Variants in CD300LG observed in about 807,000 individuals in gnomAD.
CD300LG encodes CMRF35-like molecule 9.
A neutral mutation model predicts 31.5 loss-of-function variants in CD300LG; 29 were observed. The observed-to-expected ratio is 0.92, with a 90% CI of 0.68 to 1.25. The LOEUF is 1.25. CD300LG is among the 50% of genes most tolerant of loss of function. CD300LG has a pLI of 0.00. For synonymous variants in CD300LG, 175 were observed against 177.2 expected (o/e 0.99, Z 0.10); for missense variants, 396 against 417.6 (o/e 0.95, Z 0.45).
At position 43,853,030 on chromosome 17, in the gene CD300LG, T is replaced by C; in HGVS notation, c.481+17T>C. ...CAGGATTGAGTGAGTGAATGGCAAT[T>C]CCGCCCCTTCCCTTGCCACCCTTCT... On this transcript the variant is annotated intron_variant, in intron 3 of 6. Coordinates refer to ENST00000317310, the MANE Select transcript of CD300LG (RefSeq NM_145273.4). 5.0e-6 allele frequency: 8 copies of C among 1,596,366 alleles called. No homozygotes were observed. Among genetic ancestry groups the C allele is most frequent in the Non-Finnish European group, 6.9e-6 (8 of 1,167,872 alleles).
At chr17:43,859,480 G>T (rs1240355984) in intron 6 of CD300LG, among the ~76,000 whole-genome samples, 2 of 152,194 alleles carry the variant, frequency 1.3e-5, no homozygotes, top group Non-Finnish European at 2.9e-5. Context: ...ACTTGCGATA[G>T]TGGGCCTGGC....
At chr17:43,855,465 C>G in intron 5 of CD300LG, 146 bp downstream of exon 5, 2 of 488,676 alleles carry the variant, frequency 4.1e-6, no homozygotes, top group Non-Finnish European at 7.2e-6. Context: ...CTGTGGCCTC[C>G]CTTCTGAAGG....
chr17:43,850,452 TATTC>T lies in CD300LG; in HGVS notation c.379+1587_379+1590del, dbSNP rs147005101. ...TCTTTTCTTTTTATTTATTTATTTT[TATTC>T]ATTCATTCATTCATTCATTCATTCA... On this transcript the variant is annotated intron_variant, in intron 2 of 6. Coordinates refer to ENST00000317310, the MANE Select transcript of CD300LG (RefSeq NM_145273.4). 1.0e-3 allele frequency among the ~76,000 whole-genome samples: 153 copies of T among 151,438 alleles called. 2 individuals carry two copies. Among genetic ancestry groups the T allele is most frequent in the African/African-American group, 3.0e-3 (121 of 40,798 alleles).
chr17:43,855,241 G>C lies in CD300LG; in HGVS notation c.754G>C (p.Val252Leu), dbSNP rs1186016280. 6.2e-7 allele frequency: 1 copy of C among 1,610,352 alleles called. No individual in the cohort carries two copies. Among genetic ancestry groups the C allele is most frequent in the Non-Finnish European group, 8.5e-7 (1 of 1,178,954 alleles). ...SIPMVRILAP[V>L]LVLLSLLSAA... The stretch of plus-strand genomic sequence containing the variant: ...CCCGATGGTCCGCATACTGGCCCCA[G>C]TCCTGGTGCTGCTGAGCCTTCTGTC... Residue 252 changes from valine to leucine, a missense_variant, in exon 5 of 7, where the codon GTC becomes CTC. Transcript: ENST00000317310.
Position 43,848,855 on chromosome 17 carries a change from C to T in CD300LG, c.341C>T (p.Pro114Leu), listed in dbSNP as rs1307516782. 3.7e-6 allele frequency: 6 copies of T among 1,613,898 alleles called. No individual in the cohort carries two copies. The Admixed American group carries it at 6.7e-5, about 18-fold the overall frequency. Residue 114 changes from proline to leucine, a missense_variant, in exon 2 of 7, where the codon CCC (proline) becomes CTC (leucine). Transcript: ENST00000317310. The stretch of plus-strand genomic sequence containing the variant: ...TGGTGTGGGGTCGAAAAACGGGGCC[C>T]CGATGAGTCTTTACTGATCTCTCTG... ...EYWCGVEKRG[P>L]DESLLISLFV...
At chr17:43,847,348 C>A in intron 1 of CD300LG, 89 bp downstream of exon 1, 2 of 1,445,050 alleles carry the variant, frequency 1.4e-6, no homozygotes, top group Non-Finnish European at 1.9e-6. Context: ...GATAGCCCCA[C>A]CCCACCTATC....
At chr17:43,859,699 G>T (rs1423486599) in intron 6 of CD300LG, among the ~76,000 whole-genome samples, 1 of 152,080 alleles carries the variant, frequency 6.6e-6, no homozygotes, top group Non-Finnish European at 1.5e-5. Context: ...CTGCACCAAG[G>T]CCCCCTCTGT....
intron 6 of CD300LG, chr17:43,857,369 G>A (rs746330157): frequency 7.2e-6 from 11 of 1,531,158 alleles, no homozygotes; most frequent in Middle Eastern, 1.7e-4. Flanking sequence ...ACTCACAGGT[G>A]GGAACCTGAT....
intron 3 of CD300LG, among the ~76,000 whole-genome samples, chr17:43,853,293 C>G (rs2046413609): frequency 6.6e-6 from 1 of 152,106 alleles, no homozygotes; most frequent in African/African-American, 2.4e-5. Flanking sequence ...GCCAGAAAGG[C>G]CAGGCCTTGG....
intron 6 of CD300LG, chr17:43,861,295 C>T: frequency 1.0e-6 from 1 of 985,186 alleles, no homozygotes; most frequent in East Asian, 1.1e-4. Flanking sequence ...GCTGAGGAGC[C>T]ACCTTGCCTG....
At chr17:43,852,619 T>G (rs1314347878) in intron 2 of CD300LG, among the ~76,000 whole-genome samples, 1 of 152,204 alleles carries the variant, frequency 6.6e-6, no homozygotes, top group Non-Finnish European at 1.5e-5. Flanking sequence ...AGGGATGGGA[T>G]CCAACACAGA....
rs940537710 is a variant in CD300LG at position 43,852,917 on chromosome 17, T to C, written c.385T>C (p.Cys129Arg). Residue 129 changes from cysteine (C) to arginine (R), a missense_variant, in exon 3 of 7, where the codon TGC (cysteine) becomes CGC (arginine). By Grantham distance (180) the Cys-to-Arg change is radical. Transcript: ENST00000317310. ...AGCCTTTCCCTTTCCTCTAGGACCCTGCTGTCCTCCCTCCCCTTCTCCCAC... is the reference window on the plus strand; with the variant it reads ...AGCCTTTCCCTTTCCTCTAGGACCCCGCTGTCCTCCCTCCCCTTCTCCCAC... The part of the protein sequence containing the change: ...LISLFVFPGP[C>R]CPPSPSPTFQ... 1 of 1,611,238 alleles carries C rather than the reference T, an allele frequency of 6.2e-7. No homozygotes were observed. Among genetic ancestry groups the C allele is most frequent in the Non-Finnish European group, 8.5e-7 (1 of 1,178,558 alleles).
chr17:43,857,623 G>A (rs2046563006), intron 6 of CD300LG: 1 of 1,132,790 alleles, frequency 8.8e-7, no homozygotes, highest in Non-Finnish European at 1.3e-6. Context: ...ACCCTCCAGG[G>A]GTGGGGTCCA....
In CD300LG at chr17:43,863,380, G is replaced by C. The variant is rs1299003748; in HGVS notation, c.*1469G>C. 1 of 152,066 alleles carries C rather than the reference G, an allele frequency of 6.6e-6. No homozygotes were observed. The highest frequency in any genetic ancestry group is 1.5e-5 in the Non-Finnish European group (1 of 68,028). 9.4% of individuals were successfully genotyped at this position (152,066 alleles called of 1,614,324 possible). Reference sequence around the variant, plus strand: ...GTATGCAAAACTTGGAAAGATGGAGGAGAAAAAGAAAAGGAAGAAAAAAAT... The same window carrying C: ...GTATGCAAAACTTGGAAAGATGGAGCAGAAAAAGAAAAGGAAGAAAAAAAT... On this transcript the variant is annotated 3_prime_UTR_variant, in exon 7 of 7. Transcript: ENST00000317310.
At position 43,862,088 on chromosome 17, in the gene CD300LG, C is replaced by A; in HGVS notation, c.*177C>A. The A allele has an allele frequency of 2.0e-6, 1 of 499,320 alleles. No individual in the cohort carries two copies. Among genetic ancestry groups the A allele is most frequent in the East Asian group, 3.5e-5 (1 of 28,822 alleles). 30.9% of individuals were successfully genotyped at this position (499,320 alleles called of 1,614,324 possible). On this transcript the variant is annotated 3_prime_UTR_variant, in exon 7 of 7. Coordinates refer to ENST00000317310, the MANE Select transcript of CD300LG (RefSeq NM_145273.4). ...TCCAGCCTGACCTAGAAGCGTTTGT[C>A]AGCCCTGGAGCCCAGAGCGGTGGCC...
intron 6 of CD300LG, chr17:43,858,290 C>T (rs768088257): frequency 1.9e-5 from 19 of 1,017,258 alleles, no homozygotes; most frequent in Non-Finnish European, 2.2e-5. Context: ...GTCATGGAGA[C>T]ACACGGATGG....
chr17:43,849,237 A>G, intron 2 of CD300LG: 1 of 422,804 alleles, frequency 2.4e-6, no homozygotes, highest in Non-Finnish European at 4.2e-6. Flanking sequence ...GATAAAGAAG[A>G]CTCCTCGCCT....
intron 4 of CD300LG, among the ~76,000 whole-genome samples, chr17:43,854,313 C>A (rs147984437): frequency 6.6e-6 from 1 of 152,304 alleles, no homozygotes; most frequent in Non-Finnish European, 1.5e-5. Context: ...TCAGGGACGG[C>A]CACCCCAGTT....
At chr17:43,858,759 A>T (rs555872199) in intron 6 of CD300LG, 1 of 964,054 alleles carries the variant, frequency 1.0e-6, no homozygotes, top group East Asian at 1.1e-4. Flanking sequence ...CTTTGTCCAC[A>T]TTCGGGTCAA....
Sources: allele counts gnomAD v4.1 joint callset (sites outside exome capture counted in the v4.1 genomes callset), GRCh38; gene constraint gnomAD v4.1.1; transcripts MANE v1.5; gene names NCBI Gene and HGNC (gene_info 2026-07-23, HGNC 2026-07-21).